The following POU6F1 variants were observed in gnomAD, a reference collection of about 807,000 sequenced individuals.
POU6F1 encodes the protein POU class 6 homeobox 1.
POU6F1 carries 9 observed loss-of-function variants against 28.9 expected under a neutral mutation model. The observed-to-expected ratio is 0.31, with a 90% CI of 0.19 to 0.54. The LOEUF is 0.54. Ranked by LOEUF, POU6F1 falls within the 20% of genes least tolerant of loss-of-function variation. POU6F1 has a pLI of 0.94. For missense variants in POU6F1, 338 were observed against 426.1 expected (o/e 0.79, Z 1.82); for synonymous variants, 173 against 171.1 (o/e 1.01, Z -0.09).
At position 51,189,211 on chromosome 12, in the gene POU6F1, T is replaced by C. The variant is rs796813813; in HGVS notation, c.*1036A>G. 2.6e-5 allele frequency: 4 copies of C among 152,350 alleles called. No individual in the cohort carries two copies. The highest frequency in any genetic ancestry group is 9.6e-5 in the African/African-American group (4 of 41,582). 9.4% of individuals were successfully genotyped at this position (152,350 alleles called of 1,614,324 possible). A position where few individuals can be genotyped will look rare whatever the true frequency, so the allele number is the denominator to read the frequency against. On this transcript the variant is annotated 3_prime_UTR_variant, in exon 11 of 11. Coordinates refer to ENST00000333640, the MANE Select transcript of POU6F1 (RefSeq NM_001330422.2). The stretch of plus-strand genomic sequence containing the variant: ...GGCTCCATCATTTATTTCAGGATGT[T>C]GTCCTTTCCCCCAGGGCCTTGCTGT...
intron 10 of POU6F1, 147 bp downstream of exon 10, chr12:51,191,449 C>T (rs2137090911): frequency 1.0e-6 from 1 of 957,394 alleles, no homozygotes; most frequent in Admixed American, 2.9e-5. Context: ...GTGTTCATAT[C>T]TACCCTTAAG....
chr12:51,198,336 T>C (rs528004033), intron 5 of POU6F1, among the ~76,000 whole-genome samples: 83 of 152,328 alleles, frequency 5.4e-4, no homozygotes, highest in African/African-American at 1.8e-3. Flanking sequence ...CTGGCCGAAG[T>C]ACGGCAGGCC....
Position 51,213,091 on chromosome 12 carries a change from C to T in POU6F1, c.-48+4551G>A, listed in dbSNP as rs570650775. Among the ~76,000 whole-genome samples, 54 of 152,110 alleles carry T rather than the reference C, an allele frequency of 3.6e-4. 1 individual carries two copies. Among genetic ancestry groups the T allele is most frequent in the South Asian group, 4.2e-4 (2 of 4,816 alleles). The stretch of plus-strand genomic sequence containing the variant: ...AGCTGGGACTACAGGTGCGCATCAC[C>T]GCACCAGGCTGATTTTTGTATTTTT... On this transcript the variant is annotated intron_variant, in intron 1 of 10. Coordinates refer to ENST00000333640, the MANE Select transcript of POU6F1 (RefSeq NM_001330422.2).
At chr12:51,204,592 G>C (rs1943452935) in intron 2 of POU6F1, among the ~76,000 whole-genome samples, 1 of 152,210 alleles carries the variant, frequency 6.6e-6, no homozygotes, top group Non-Finnish European at 1.5e-5. Context: ...GTGACAGGGA[G>C]AAGGGCCTGA....
intron 8 of POU6F1, among the ~76,000 whole-genome samples, chr12:51,194,585 A>AG (rs563249482): frequency 5.6e-4 from 84 of 150,804 alleles, no homozygotes; most frequent in African/African-American, 2.0e-3. Flanking sequence ...GGTTGCAGTG[A>AG]GCCAAGGTCA....
At chr12:51,192,273 G>A (rs1942472839) in intron 9 of POU6F1, 57 bp downstream of exon 9, 2 of 1,585,778 alleles carry the variant, frequency 1.3e-6, no homozygotes, top group Non-Finnish European at 1.7e-6. Context: ...GAAGAGATTG[G>A]GTGCCCACAT....
At position 51,187,078 on chromosome 12, in the gene POU6F1, C is replaced by G. The variant is rs1172998473; in HGVS notation, c.*3169G>C. ...GAGAACCTCAGTGCCAGAGCCTGGT[C>G]CAAGAGGCAGGAAGGAAATCTGGGC... On this transcript the variant is annotated 3_prime_UTR_variant, in exon 11 of 11. Coordinates refer to ENST00000333640, the MANE Select transcript of POU6F1 (RefSeq NM_001330422.2). 1 of 152,166 alleles carries G rather than the reference C, an allele frequency of 6.6e-6. No individual in the cohort carries two copies. Among genetic ancestry groups the G allele is most frequent in the Non-Finnish European group, 1.5e-5 (1 of 68,048 alleles). The allele number at this position is 152,166 out of a possible 1,614,324, so 9.4% of individuals were successfully genotyped here.
intron 3 of POU6F1, among the ~76,000 whole-genome samples, chr12:51,202,941 C>T (rs915100480): frequency 1.3e-5 from 2 of 152,140 alleles, no homozygotes; most frequent in Non-Finnish European, 2.9e-5. Context: ...TTTCCTGTTA[C>T]TCAGTTTTGT....
In POU6F1 at chr12:51,192,279, C is replaced by T. The variant is rs1408121133; in HGVS notation, c.1321+51G>A. The stretch of plus-strand genomic sequence containing the variant: ...GCAGCATCTGAAGAGATTGGGTGCC[C>T]ACATAAATGCCTCCCCACTTCTCCA... On this transcript the variant is annotated intron_variant, in intron 9 of 10. Transcript: ENST00000333640. The T allele has an allele frequency of 1.3e-6, 2 of 1,595,210 alleles. 1 individual carries two copies. The highest frequency in any genetic ancestry group is 2.3e-5 in the South Asian group (2 of 88,532).
At position 51,190,095 on chromosome 12, in the gene POU6F1, G is replaced by A. The variant is rs1004294467; in HGVS notation, c.*152C>T. Reference sequence around the variant, plus strand: ...TGTGAGATGTGTGGGAGAAAAGAGGGACATTGATGCACATGCACACGGTGG... The same window carrying A: ...TGTGAGATGTGTGGGAGAAAAGAGGAACATTGATGCACATGCACACGGTGG... On this transcript the variant is annotated 3_prime_UTR_variant, in exon 11 of 11. Coordinates refer to ENST00000333640, the MANE Select transcript of POU6F1 (RefSeq NM_001330422.2). The surrounding 1 kb of genome is among the most constrained non-coding windows in gnomAD (Gnocchi z 4.5). The A allele has an allele frequency of 1.5e-6, 2 of 1,327,418 alleles. No individual in the cohort carries two copies. Among genetic ancestry groups the A allele is most frequent in the Non-Finnish European group, 2.0e-6 (2 of 997,618 alleles). 82.2% of individuals were successfully genotyped at this position (1,327,418 alleles called of 1,614,324 possible). A position where few individuals can be genotyped will look rare whatever the true frequency, so the allele number is the denominator to read the frequency against.
intron 1 of POU6F1, among the ~76,000 whole-genome samples, chr12:51,215,432 A>G (rs1427593475): frequency 6.6e-6 from 1 of 151,274 alleles, no homozygotes; most frequent in Non-Finnish European, 1.5e-5. Flanking sequence ...GTGTGCGCCT[A>G]TAGTTCCAGC....
intron 2 of POU6F1, among the ~76,000 whole-genome samples, chr12:51,205,803 T>C (rs1943557104): frequency 6.7e-6 from 1 of 150,122 alleles, no homozygotes; most frequent in African/African-American, 2.5e-5. Context: ...GAGAAATTCA[T>C]CTTTTCTTTT....
intron 1 of POU6F1, among the ~76,000 whole-genome samples, chr12:51,212,572 G>A (rs1234903874): frequency 1.3e-5 from 2 of 149,300 alleles, no homozygotes; most frequent in East Asian, 2.0e-4. Flanking sequence ...CCTGAGGACG[G>A]GAGTTCGAGA....
chr12:51,213,472 C>T lies in POU6F1; in HGVS notation c.-48+4170G>A, dbSNP rs890550995. ...CAAATTATCTTCCCACCTCAGCCTC[C>T]CAAAGTGCTGGTATTACTGGCATGA... On this transcript the variant is annotated intron_variant, in intron 1 of 10. Transcript: ENST00000333640. Among the ~76,000 whole-genome samples the T allele has an allele frequency of 3.3e-5, 5 of 152,252 alleles. No homozygotes were observed. In the Middle Eastern group the frequency reaches 0.014, roughly 414 times the overall value.
intron 1 of POU6F1, among the ~76,000 whole-genome samples, chr12:51,209,193 C>A (rs975911660): frequency 6.6e-6 from 1 of 152,238 alleles, no homozygotes; most frequent in African/African-American, 2.4e-5. Context: ...ACAGTGGAAT[C>A]TGGTGGGTTC....
intron 1 of POU6F1, among the ~76,000 whole-genome samples, chr12:51,213,525 T>C (rs969760538): frequency 1.5e-4 from 23 of 151,730 alleles, no homozygotes; most frequent in Admixed American, 8.5e-4. Context: ...ATTTCTATGG[T>C]TTATTTTATT....
Position 51,190,672 on chromosome 12 carries a change from C to G in POU6F1, c.1491-80G>C. On this transcript the variant is annotated intron_variant, in intron 10 of 10. Coordinates refer to ENST00000333640, the MANE Select transcript of POU6F1 (RefSeq NM_001330422.2). The surrounding 1 kb of genome is among the most constrained non-coding windows in gnomAD (Gnocchi z 4.5). The stretch of plus-strand genomic sequence containing the variant: ...CACACCCCGCACCTAGGTGCAGGCT[C>G]CATCCTCAAGGGGCCGCTCCTCTAG... 1 of 1,543,870 alleles carries G rather than the reference C, an allele frequency of 6.5e-7. No homozygotes were observed. Among genetic ancestry groups the G allele is most frequent in the East Asian group, 2.3e-5 (1 of 44,438 alleles).
At chr12:51,194,806 C>T (rs1466634998) in intron 8 of POU6F1, among the ~76,000 whole-genome samples, 3 of 152,116 alleles carry the variant, frequency 2.0e-5, no homozygotes, top group Admixed American at 6.6e-5. Flanking sequence ...TATAATATAT[C>T]CTTTAGCATT....
At chr12:51,197,014 G>T (rs1325981205) in intron 6 of POU6F1, 87 bp from the exon 7 acceptor site, 2 of 719,190 alleles carry the variant, frequency 2.8e-6, no homozygotes, top group Non-Finnish European at 4.7e-6. Flanking sequence ...CATTGGGGTG[G>T]GTAGATGTGA....
Sources: gnomAD v4.1 joint callset for allele counts (sites outside exome capture counted in the v4.1 genomes callset) on GRCh38, gnomAD v4.1.1 for gene constraint, Gnocchi (gnomAD v3.1) non-coding constraint, MANE v1.5 for transcripts, NCBI Gene and HGNC (gene_info 2026-07-23, HGNC 2026-07-21) for gene names.